The following UBTD1 variants were observed in gnomAD, a reference collection of about 807,000 sequenced individuals.
UBTD1 encodes ubiquitin domain containing 1, also known as ubiquitin domain-containing protein 1.
Under a neutral mutation model 21.7 loss-of-function variants are expected in UBTD1, and 19 were observed. The ratio of observed to expected loss-of-function variants is 0.87; its 90% CI spans 0.61 to 1.28. The LOEUF (loss-of-function observed/expected upper bound fraction) is 1.28, where lower values mean the gene tolerates loss of function less well. UBTD1 is among the 50% of genes most tolerant of loss of function. UBTD1 has a pLI of 0.00. For synonymous variants in UBTD1, 116 were observed against 135.1 expected (o/e 0.86, Z 0.98); for missense variants, 282 against 315.1 (o/e 0.89, Z 0.80).
intron 1 of UBTD1, among the ~76,000 whole-genome samples, chr10:97,552,701 C>G (rs965023006): frequency 3.9e-5 from 6 of 152,246 alleles, no homozygotes; most frequent in Admixed American, 2.6e-4. Flanking sequence ...CCACACCTGG[C>G]CAATACATAC....
At chr10:97,525,350 G>A (rs563541944) in intron 1 of UBTD1, among the ~76,000 whole-genome samples, 3 of 152,332 alleles carry the variant, frequency 2.0e-5, no homozygotes, top group African/African-American at 4.8e-5. Flanking sequence ...CCATATGCTC[G>A]CAGTTGGGTG....
chr10:97,527,286 AGACCAG>A (rs2040494084), intron 1 of UBTD1, among the ~76,000 whole-genome samples: 1 of 149,602 alleles, frequency 6.7e-6, no homozygotes, highest in African/African-American at 2.5e-5. Flanking sequence ...CAGGAGTTTG[AGACCAG>A]CCTGGGCAAC....
intron 1 of UBTD1, among the ~76,000 whole-genome samples, chr10:97,541,728 ATTTTTTTTTT>A (rs975827062): frequency 1.0e-5 from 1 of 98,890 alleles, no homozygotes; most frequent in African/African-American, 4.3e-5. Context: ...GTCCTCTCTG[ATTTTTTTTTT>A]TTTTTTTTTT....
chr10:97,509,148 A>G (rs890912817), intron 1 of UBTD1, among the ~76,000 whole-genome samples: 6 of 152,162 alleles, frequency 3.9e-5, no homozygotes, highest in Admixed American at 6.6e-5. Flanking sequence ...ATTAGATATC[A>G]TTTGATCTCC....
At chr10:97,556,220 C>T (rs1057146077) in intron 1 of UBTD1, among the ~76,000 whole-genome samples, 3 of 152,066 alleles carry the variant, frequency 2.0e-5, no homozygotes, top group Non-Finnish European at 4.4e-5. Context: ...AACATGGCTC[C>T]CAGATTGAGT....
chr10:97,519,886 G>C (rs1264014596), intron 1 of UBTD1, among the ~76,000 whole-genome samples: 1 of 152,004 alleles, frequency 6.6e-6, no homozygotes, highest in East Asian at 1.9e-4. Context: ...CAGCCCTGCA[G>C]GTGTTTACTG....
At chr10:97,568,197 A>C in intron 2 of UBTD1, 56 bp downstream of exon 2, 1 of 1,583,886 alleles carries the variant, frequency 6.3e-7, no homozygotes, top group Non-Finnish European at 8.6e-7. Flanking sequence ...TCACCAGCAC[A>C]GTTTGAGGGT....
At chr10:97,524,351 T>G (rs2040478905) in intron 1 of UBTD1, among the ~76,000 whole-genome samples, 1 of 152,064 alleles carries the variant, frequency 6.6e-6, no homozygotes, top group Admixed American at 6.5e-5. Flanking sequence ...TCCACCCACC[T>G]CAGCCTCCTA....
At chr10:97,501,332 A>G (rs184525528) in intron 1 of UBTD1, among the ~76,000 whole-genome samples, 1 of 152,334 alleles carries the variant, frequency 6.6e-6, no homozygotes, top group Non-Finnish European at 1.5e-5. Flanking sequence ...CATGCCTGTA[A>G]TCCCAGCACT....
Position 97,499,073 on chromosome 10 carries a change from G to A in UBTD1, c.-131G>A. The A allele has an allele frequency of 9.6e-7, 1 of 1,042,852 alleles. No homozygotes were observed. Among genetic ancestry groups the A allele is most frequent in the South Asian group, 1.8e-5 (1 of 57,128 alleles). The allele number at this position is 1,042,852 out of a possible 1,614,324, so 64.6% of individuals were successfully genotyped here. A position where few individuals can be genotyped will look rare whatever the true frequency, so the allele number is the denominator to read the frequency against. On this transcript the variant is annotated 5_prime_UTR_variant, in exon 1 of 3. Coordinates refer to ENST00000370664, the MANE Select transcript of UBTD1 (RefSeq NM_024954.5). ...GGCGGAGCCATCGCTGGGGCTGAGCGCGCCCCCGGGGGGAGATCGGGGAGC... is the reference window on the plus strand; with the variant it reads ...GGCGGAGCCATCGCTGGGGCTGAGCACGCCCCCGGGGGGAGATCGGGGAGC...
intron 1 of UBTD1, among the ~76,000 whole-genome samples, chr10:97,531,462 G>A (rs1278109899): frequency 4.6e-5 from 7 of 152,040 alleles, no homozygotes; most frequent in Non-Finnish European, 1.0e-4. Context: ...TGTTGGCCAG[G>A]CAGGTCTCAA....
intron 1 of UBTD1, among the ~76,000 whole-genome samples, chr10:97,538,741 A>G (rs1340085995): frequency 1.3e-5 from 2 of 152,122 alleles, no homozygotes; most frequent in East Asian, 1.9e-4. Context: ...CTTTTTTTGC[A>G]CAGAATCTGG....
At chr10:97,562,180 G>T (rs2040695885) in intron 1 of UBTD1, among the ~76,000 whole-genome samples, 1 of 152,142 alleles carries the variant, frequency 6.6e-6, no homozygotes, top group Non-Finnish European at 1.5e-5. Context: ...GAGGCGGGTG[G>T]ATCACCTGAG....
intron 1 of UBTD1, among the ~76,000 whole-genome samples, chr10:97,545,400 G>GTT (rs2040605453): frequency 2.4e-5 from 2 of 84,866 alleles, no homozygotes; most frequent in African/African-American, 8.2e-5. Context: ...GTGTGTGTGT[G>GTT]TGTGTGTGTG....
At chr10:97,564,572 T>A (rs113209428) in intron 1 of UBTD1, among the ~76,000 whole-genome samples, 76 of 152,294 alleles carry the variant, frequency 5.0e-4, no homozygotes, top group African/African-American at 1.4e-3. Flanking sequence ...TATTATTATT[T>A]TTTTTTTGAA....
Position 97,570,684 on chromosome 10 carries a change from A to T in UBTD1, c.*161A>T, listed in dbSNP as rs1020270931. 2.6e-5 allele frequency: 22 copies of T among 855,200 alleles called. No individual in the cohort carries two copies. The African/African-American group carries it at 3.4e-4, about 13-fold the overall frequency. The allele number at this position is 855,200 out of a possible 1,614,324, so 53.0% of individuals were successfully genotyped here. ...GCCTTTCAGGGCACTACGCGCCACC[A>T]GTTCCCGGTACCCAGGGAGCAGGCA... On this transcript the variant is annotated 3_prime_UTR_variant, in exon 3 of 3. Coordinates refer to ENST00000370664, the MANE Select transcript of UBTD1 (RefSeq NM_024954.5). The surrounding 1 kb of genome is among the most constrained non-coding windows in gnomAD (Gnocchi z 6.6).
chr10:97,528,842 C>G (rs1412190719), intron 1 of UBTD1, among the ~76,000 whole-genome samples: 1 of 141,320 alleles, frequency 7.1e-6, no homozygotes, highest in Non-Finnish European at 1.6e-5. Flanking sequence ...CCAGTAGGGG[C>G]GGCCGGGCAG....
intron 1 of UBTD1, among the ~76,000 whole-genome samples, chr10:97,510,249 G>A (rs4919103): frequency 0.74 from 112,173 of 152,156 alleles, 43,765 homozygotes; most frequent in East Asian, 0.91. Flanking sequence ...ACAGGCATGA[G>A]CCACCTTGCC....
Position 97,570,033 on chromosome 10 carries a change from A to G in UBTD1, c.299-105A>G. On this transcript the variant is annotated intron_variant, in intron 2 of 2. Transcript: ENST00000370664. This position sits in a 1 kb window ranked among gnomAD's most constrained non-coding sequence, Gnocchi z 6.6. ...ATAGGCCCCATGTCCAAATACAGTCACATTGGGGGTTAGAGTTTCACCATA... is the reference window on the plus strand; with the variant it reads ...ATAGGCCCCATGTCCAAATACAGTCGCATTGGGGGTTAGAGTTTCACCATA... 6.9e-7 allele frequency: 1 copy of G among 1,454,308 alleles called. No homozygotes were observed. Among genetic ancestry groups the G allele is most frequent in the Non-Finnish European group, 9.2e-7 (1 of 1,085,336 alleles). 90.1% of individuals were successfully genotyped at this position (1,454,308 alleles called of 1,614,324 possible). A position where few individuals can be genotyped will look rare whatever the true frequency, so the allele number is the denominator to read the frequency against.
Sources: allele counts gnomAD v4.1 joint callset (sites outside exome capture counted in the v4.1 genomes callset), GRCh38; gene constraint gnomAD v4.1.1; non-coding constraint Gnocchi (gnomAD v3.1); transcripts MANE v1.5; gene names NCBI Gene and HGNC (gene_info 2026-07-23, HGNC 2026-07-21).